ZNF106: variants seen among roughly 807,000 people sequenced by gnomAD.
The protein encoded by ZNF106 is SH3-domain binding protein 3.
ZNF106 carries 67 observed loss-of-function variants against 195.1 expected under a neutral mutation model. The observed-to-expected ratio is 0.34, with a 90% CI of 0.28 to 0.42. The LOEUF (loss-of-function observed/expected upper bound fraction) is 0.42. Among genes scored for constraint, ZNF106 ranks in the 10% least tolerant of loss-of-function variants. The pLI is 1.00. For missense variants in ZNF106, 2,118 were observed against 2,304.5 expected (o/e 0.92, Z 1.66); for synonymous variants, 784 against 818.6 (o/e 0.96, Z 0.72).
intron 1 of ZNF106, among the ~76,000 whole-genome samples, chr15:42,484,495 C>T (rs551199983): frequency 1.3e-5 from 2 of 152,368 alleles, no homozygotes; most frequent in South Asian, 4.1e-4. Flanking sequence ...GGCATGGCGG[C>T]TCACGCCTGT....
At chr15:42,473,740 A>G (rs1000478445) in intron 1 of ZNF106, among the ~76,000 whole-genome samples, 10 of 152,144 alleles carry the variant, frequency 6.6e-5, no homozygotes, top group African/African-American at 2.4e-4. Flanking sequence ...GGCCTCAACA[A>G]TATCTGCTAC....
intron 10 of ZNF106, 39 bp downstream of exon 10, chr15:42,442,034 C>T (rs902514226): frequency 3.3e-6 from 5 of 1,513,768 alleles, no homozygotes; most frequent in East Asian, 2.3e-5. Context: ...CCCAGTCTCA[C>T]TACTGGGATG....
At position 42,423,866 on chromosome 15, in the gene ZNF106, T is replaced by C. The variant is rs111851309; in HGVS notation, c.5253+132A>G. On this transcript the variant is annotated intron_variant, in intron 17 of 21. Transcript: ENST00000564754. ...TTACACAATATTATCCAAGAGCATA[T>C]GCACAGGGATGATTACGAATCCCTT... is the stretch of plus-strand genomic sequence containing the variant. The C allele has an allele frequency of 3.2e-4, 234 of 740,452 alleles. No homozygotes were observed. The African/African-American group carries it at 3.6e-3, about 11-fold the overall frequency. The allele number at this position is 740,452 out of a possible 1,614,324, so 45.9% of individuals were successfully genotyped here.
chr15:42,461,695 T>C (rs999954792), intron 3 of ZNF106, among the ~76,000 whole-genome samples: 2 of 152,182 alleles, frequency 1.3e-5, no homozygotes, highest in African/African-American at 4.8e-5. Flanking sequence ...AAGTAACACA[T>C]ACTTTGCAAT....
chr15:42,430,950 T>C (rs570584130), intron 14 of ZNF106, among the ~76,000 whole-genome samples: 2 of 152,120 alleles, frequency 1.3e-5, no homozygotes, highest in South Asian at 2.1e-4. Flanking sequence ...CAGCCTCTTT[T>C]TCTAGTTTCT....
At chr15:42,423,638 G>C (rs1267733784) in intron 17 of ZNF106, among the ~76,000 whole-genome samples, 2 of 152,120 alleles carry the variant, frequency 1.3e-5, no homozygotes, top group East Asian at 3.9e-4. Context: ...TCAGCCTTCT[G>C]AGTAGCTGGC....
chr15:42,466,063 G>T lies in ZNF106; in HGVS notation c.106C>A (p.Leu36Ile). 1 of 1,534,020 alleles carries T rather than the reference G, an allele frequency of 6.5e-7. No homozygotes were observed. The highest frequency in any genetic ancestry group is 8.7e-7 in the Non-Finnish European group (1 of 1,146,038). ...GAGCCGTTCCCATACCTGCCCTTGA[G>T]GTTCTCAAGTTCCCTGTGATGCAAC... is the stretch of plus-strand genomic sequence containing the variant. ...SMLHHRELENLKGRDISHECR... is the reference protein window; with the variant it reads ...SMLHHRELENIKGRDISHECR... The change falls in exon 3 of 22, where the codon CTC becomes ATC. Residue 36 changes from leucine to isoleucine, a missense_variant. Coordinates refer to ENST00000564754, the MANE Select transcript of ZNF106 (RefSeq NM_001366845.3).
intron 1 of ZNF106, among the ~76,000 whole-genome samples, chr15:42,482,780 C>G (rs1009510485): frequency 6.6e-6 from 1 of 152,088 alleles, no homozygotes; most frequent in Non-Finnish European, 1.5e-5. Context: ...CCACCCACCT[C>G]GACCTCCCAA....
chr15:42,479,791 G>A (rs994682325), intron 1 of ZNF106, among the ~76,000 whole-genome samples: 2 of 152,106 alleles, frequency 1.3e-5, no homozygotes, highest in African/African-American at 4.8e-5. Context: ...GCAGTGAGCT[G>A]AGATAGCGCC....
chr15:42,426,106 G>A (rs1034911709), intron 15 of ZNF106, among the ~76,000 whole-genome samples: 1 of 152,098 alleles, frequency 6.6e-6, no homozygotes, highest in Non-Finnish European at 1.5e-5. Flanking sequence ...GTGCTAGGGA[G>A]ACAGACTGAA....
intron 1 of ZNF106, among the ~76,000 whole-genome samples, chr15:42,489,119 A>AC (rs2057081245): frequency 6.8e-6 from 1 of 146,514 alleles, no homozygotes; most frequent in Non-Finnish European, 1.5e-5. Context: ...CACACACACA[A>AC]TAGGTTCTGA....
chr15:42,436,300 C>T (rs949119494), intron 13 of ZNF106, among the ~76,000 whole-genome samples: 6 of 152,100 alleles, frequency 3.9e-5, no homozygotes, highest in African/African-American at 1.4e-4. Context: ...TCTCAGTGCA[C>T]ATACTGAGAT....
At chr15:42,478,862 C>G (rs1249896503) in intron 1 of ZNF106, among the ~76,000 whole-genome samples, 1 of 152,100 alleles carries the variant, frequency 6.6e-6, no homozygotes, top group Non-Finnish European at 1.5e-5. Context: ...CAGCATGTCA[C>G]AGAGGATACC....
chr15:42,455,122 T>G (rs1295099639), intron 4 of ZNF106, among the ~76,000 whole-genome samples: 1 of 152,154 alleles, frequency 6.6e-6, no homozygotes, highest in Non-Finnish European at 1.5e-5. Context: ...TGCAACTATA[T>G]TAAAAGTAAT....
intron 10 of ZNF106, among the ~76,000 whole-genome samples, chr15:42,441,018 T>TATAA (rs2055509365): frequency 3.0e-5 from 1 of 33,570 alleles, no homozygotes; most frequent in South Asian, 1.3e-3. Flanking sequence ...TATATATATA[T>TATAA]ATATATATAT....
At chr15:42,461,194 T>C (rs1321878162) in intron 3 of ZNF106, among the ~76,000 whole-genome samples, 1 of 152,224 alleles carries the variant, frequency 6.6e-6, no homozygotes, top group Non-Finnish European at 1.5e-5. Flanking sequence ...TTCAACATAG[T>C]GTTTGGGAAA....
intron 14 of ZNF106, among the ~76,000 whole-genome samples, chr15:42,430,047 T>C (rs1369832421): frequency 6.6e-6 from 1 of 152,026 alleles, no homozygotes; most frequent in African/African-American, 2.4e-5. Context: ...TTTGTGGTAG[T>C]TATACAAACA....
At chr15:42,457,318 T>C in intron 3 of ZNF106, 160 bp from the exon 4 acceptor site, 1 of 1,494,824 alleles carries the variant, frequency 6.7e-7, no homozygotes, top group Non-Finnish European at 8.9e-7. Context: ...TTTAATAAGT[T>C]TGTTTATAAG....
chr15:42,461,167 A>G (rs998560111), intron 3 of ZNF106, among the ~76,000 whole-genome samples: 23 of 152,236 alleles, frequency 1.5e-4, no homozygotes, highest in African/African-American at 5.3e-4. Flanking sequence ...TGTTCTCTAC[A>G]CAACAGGCAT....
Sources: allele counts gnomAD v4.1 joint callset (sites outside exome capture counted in the v4.1 genomes callset), GRCh38; gene constraint gnomAD v4.1.1; transcripts MANE v1.5; gene names NCBI Gene and HGNC (gene_info 2026-07-23, HGNC 2026-07-21).